Variants in KAT6B observed in about 807,000 individuals in gnomAD.
KAT6B encodes the protein histone acetyltransferase KAT6B.
KAT6B carries 10 observed loss-of-function variants against 187.5 expected under a neutral mutation model. That is an observed-to-expected ratio of 0.05 (90% CI 0.03 to 0.09). The LOEUF (loss-of-function observed/expected upper bound fraction) is 0.09, where lower values mean the gene tolerates loss of function less well. KAT6B is among the 10% of genes least tolerant of loss of function. The pLI is 1.00. For synonymous variants in KAT6B, 861 were observed against 926.8 expected, an observed-to-expected ratio of 0.93 and a Z score of 1.29; for missense variants, 1,952 against 2,558.9, an observed-to-expected ratio of 0.76 and a Z score of 5.12.
chr10:74,948,180 C>T (rs1840076988), intron 3 of KAT6B, among the ~76,000 whole-genome samples: 1 of 152,198 alleles, frequency 6.6e-6, no homozygotes. Flanking sequence ...AAATTCTGCA[C>T]ACCAGATGGT....
In KAT6B at chr10:74,985,004, A is replaced by G. The variant is rs748768524; in HGVS notation, c.2374-76A>G. On this transcript the variant is annotated intron_variant, in intron 11 of 17. Coordinates refer to ENST00000287239, the MANE Select transcript of KAT6B (RefSeq NM_012330.4). The stretch of plus-strand genomic sequence containing the variant: ...GAAATAAAATGATGTACTTTCTGAA[A>G]TACCATATAGAAGAAACAATTTTAT... 1.1e-5 allele frequency: 14 copies of G among 1,291,322 alleles called. 1 individual carries two copies. The highest frequency in any genetic ancestry group is 7.1e-5 in the Admixed American group (4 of 56,128). The allele number at this position is 1,291,322 out of a possible 1,614,324, so 80.0% of individuals were successfully genotyped here. A position where few individuals can be genotyped will look rare whatever the true frequency, so the allele number is the denominator to read the frequency against.
Position 75,020,689 on chromosome 10 carries a change from T to C in KAT6B, c.2737T>C (p.Tyr913His), listed in dbSNP as rs771809008. 9 of 1,612,864 alleles carry C rather than the reference T, an allele frequency of 5.6e-6. No homozygotes were observed. The highest frequency in any genetic ancestry group is 6.8e-6 in the Non-Finnish European group (8 of 1,179,640). ...LAYWKSVILE[Y>H]LYHHHERHIS... ...ATATTGGAAGAGCGTCATCTTGGAG[T>C]ATCTCTACCACCACCATGAGAGGCA... The change falls in exon 14 of 18, where the codon TAT becomes CAT. Residue 913 changes from tyrosine (Y) to histidine (H), a missense_variant. Physicochemically the swap from Tyr to His is moderately conservative, Grantham distance 83 (BLOSUM62 2). Coordinates refer to ENST00000287239, the MANE Select transcript of KAT6B (RefSeq NM_012330.4).
chr10:75,031,204 G>A lies in KAT6B; in HGVS notation c.*158G>A. On this transcript the variant is annotated 3_prime_UTR_variant, in exon 18 of 18. Coordinates refer to ENST00000287239, the MANE Select transcript of KAT6B (RefSeq NM_012330.4). ...AAAAAAAAAAAAGCTGTATGCAGCA[G>A]AAAGCCTTATACAAGTTGTTTTTCT... 30 of 837,222 alleles carry A rather than the reference G, an allele frequency of 3.6e-5. No homozygotes were observed. The highest frequency in any genetic ancestry group is 5.5e-5 in the Non-Finnish European group (29 of 530,000). 51.9% of individuals were successfully genotyped at this position (837,222 alleles called of 1,614,324 possible).
intron 3 of KAT6B, among the ~76,000 whole-genome samples, chr10:74,936,452 G>A (rs1342577467): frequency 6.6e-6 from 1 of 151,770 alleles, no homozygotes; most frequent in African/African-American, 2.4e-5. Context: ...GGAATCCTGG[G>A]CCAACAGGTA....
chr10:74,930,594 G>A (rs1848803742), intron 3 of KAT6B, among the ~76,000 whole-genome samples: 1 of 152,170 alleles, frequency 6.6e-6, no homozygotes, highest in Non-Finnish European at 1.5e-5. Flanking sequence ...GATGTGACAG[G>A]AATTGATTGG....
intron 3 of KAT6B, among the ~76,000 whole-genome samples, chr10:74,859,378 C>T (rs961192979): frequency 1.3e-5 from 2 of 152,100 alleles, no homozygotes; most frequent in Non-Finnish European, 2.9e-5. Flanking sequence ...AGCCACTGTG[C>T]CCAGCATATA....
intron 3 of KAT6B, among the ~76,000 whole-genome samples, chr10:74,881,482 C>T (rs1844848033): frequency 6.6e-6 from 1 of 152,196 alleles, no homozygotes; most frequent in South Asian, 2.1e-4. Flanking sequence ...CTGGCTATCT[C>T]CAAACACCCC....
chr10:74,995,640 C>CATTTCCAGTATAT (rs1166332910), intron 13 of KAT6B, among the ~76,000 whole-genome samples: 1 of 152,170 alleles, frequency 6.6e-6, no homozygotes, highest in Non-Finnish European at 1.5e-5. Context: ...TCCAGTATAT[C>CATTTCCAGTATAT]CTGGAAATGA....
chr10:74,916,809 A>T (rs1194452945), intron 3 of KAT6B, among the ~76,000 whole-genome samples: 1 of 152,176 alleles, frequency 6.6e-6, no homozygotes, highest in East Asian at 1.9e-4. Context: ...TTTGTATAAA[A>T]ACTAAACACT....
intron 11 of KAT6B, chr10:74,984,445 C>A (rs191091781): frequency 6.6e-6 from 1 of 152,576 alleles, no homozygotes; most frequent in Non-Finnish European, 1.5e-5. Flanking sequence ...CAGCTTGATT[C>A]TTTTATTTTG....
intron 3 of KAT6B, among the ~76,000 whole-genome samples, chr10:74,959,502 G>C (rs1176103869): frequency 1.3e-5 from 2 of 152,144 alleles, no homozygotes; most frequent in African/African-American, 4.8e-5. Context: ...AATGTATTCA[G>C]GTAGTACTTT....
At chr10:74,962,537 C>G (rs977037346) in intron 4 of KAT6B, among the ~76,000 whole-genome samples, 35 of 152,028 alleles carry the variant, frequency 2.3e-4, no homozygotes, top group Admixed American at 2.3e-3. Flanking sequence ...CAAAGGGATC[C>G]CAAAATGTAA....
At chr10:74,879,452 A>C (rs898837914) in intron 3 of KAT6B, among the ~76,000 whole-genome samples, 2 of 152,206 alleles carry the variant, frequency 1.3e-5, no homozygotes, top group African/African-American at 4.8e-5. Flanking sequence ...CAGCTTAATA[A>C]TTTACAATGA....
At chr10:74,825,320 C>T (rs1052565228), upstream of KAT6B, among the ~76,000 whole-genome samples, 13 of 151,860 alleles carry the variant, frequency 8.6e-5, no homozygotes, top group Non-Finnish European at 1.5e-4. This position sits in a 1 kb window ranked among gnomAD's most constrained non-coding sequence, Gnocchi z 5.0. Flanking sequence ...TCTCCGCCCT[C>T]CCCCGAGGGC....
At chr10:74,958,606 T>C (rs1840853218) in intron 3 of KAT6B, among the ~76,000 whole-genome samples, 1 of 152,212 alleles carries the variant, frequency 6.6e-6, no homozygotes. Context: ...TGGATGGGAA[T>C]ACTAGCATTG....
chr10:74,839,930 T>C (rs1841605362), intron 2 of KAT6B, among the ~76,000 whole-genome samples: 1 of 152,224 alleles, frequency 6.6e-6, no homozygotes, highest in Admixed American at 6.5e-5. Flanking sequence ...TGAGTACTTA[T>C]TAGATTTGTA....
At chr10:74,910,507 G>A (rs1847126179) in intron 3 of KAT6B, among the ~76,000 whole-genome samples, 1 of 151,956 alleles carries the variant, frequency 6.6e-6, no homozygotes, top group Admixed American at 6.6e-5. Flanking sequence ...CTTCACTGTG[G>A]GCACCCACAA....
At chr10:74,948,609 G>A (rs1840104303) in intron 3 of KAT6B, among the ~76,000 whole-genome samples, 1 of 152,214 alleles carries the variant, frequency 6.6e-6, no homozygotes, top group South Asian at 2.1e-4. Context: ...AGTGTGCCTA[G>A]GCAGTGTTTT....
chr10:75,026,625 T>TG (rs1845858721), intron 17 of KAT6B, among the ~76,000 whole-genome samples: 1 of 152,026 alleles, frequency 6.6e-6, no homozygotes, highest in South Asian at 2.1e-4. Context: ...CCTTATTCTT[T>TG]GGGTTTTTTT....
Sources: gnomAD v4.1 joint callset for allele counts (sites outside exome capture counted in the v4.1 genomes callset) on GRCh38, gnomAD v4.1.1 for gene constraint, Gnocchi (gnomAD v3.1) non-coding constraint, MANE v1.5 for transcripts, NCBI Gene and HGNC (gene_info 2026-07-23, HGNC 2026-07-21) for gene names.